FER: variants seen among roughly 807,000 people sequenced by gnomAD.
The protein encoded by FER is FER tyrosine kinase, also known as tyrosine-protein kinase Fer.
In FER, 63 loss-of-function variants were observed where a neutral mutation model predicts 111.0. That is an observed-to-expected ratio of 0.57 (90% confidence interval 0.46 to 0.70). FER has a LOEUF of 0.70. Among genes scored for constraint, FER ranks in the 30% least tolerant of loss-of-function variants. The pLI is 0.00. For missense variants in FER, 914 were observed against 954.0 expected, an observed-to-expected ratio of 0.96 and a Z score of 0.55; for synonymous variants, 327 against 313.9, an observed-to-expected ratio of 1.04 and a Z score of -0.44.
rs7707344 is a variant in FER at position 109,113,368 on chromosome 5, A to T, written c.2048+12849A>T. 2.8e-3 allele frequency among the ~76,000 whole-genome samples: 423 copies of T among 152,262 alleles called. 2 individuals are homozygous for T. The highest frequency in any genetic ancestry group is 9.5e-3 in the African/African-American group (395 of 41,564). On this transcript the variant is annotated intron_variant, in intron 17 of 19. Transcript: ENST00000281092. ...AGACTATATATACCTACTCAAATAT[A>T]TTTCTTTTTCTAATTTTTTAAACAG...
chr5:108,992,525 C>T (rs536905933), intron 13 of FER, among the ~76,000 whole-genome samples: 7 of 150,402 alleles, frequency 4.7e-5, no homozygotes, highest in South Asian at 2.1e-4. Context: ...ACCTCCCTCC[C>T]GGACGGGGCA....
chr5:109,156,154 G>A (rs999285694), intron 17 of FER, among the ~76,000 whole-genome samples: 3 of 152,140 alleles, frequency 2.0e-5, no homozygotes, highest in Admixed American at 1.3e-4. Context: ...TTTCTGCAGT[G>A]TAGACAACGC....
At position 108,976,552 on chromosome 5, in the gene FER, A is replaced by G. The variant is rs75526690; in HGVS notation, c.1656+17205A>G. Reference sequence around the variant, plus strand: ...GGTGACGGGTGCTGACCCCCTGCATAGTCAAAAATCTGCATATGACTTTTG... The same window carrying G: ...GGTGACGGGTGCTGACCCCCTGCATGGTCAAAAATCTGCATATGACTTTTG... On this transcript the variant is annotated intron_variant, in intron 13 of 19. Coordinates refer to ENST00000281092, the MANE Select transcript of FER (RefSeq NM_005246.4). Among the ~76,000 whole-genome samples, 88 of 152,256 alleles carry G rather than the reference A, an allele frequency of 5.8e-4. 3 individuals are homozygous for G. In the East Asian group the frequency reaches 0.015, roughly 26 times the overall value.
At chr5:109,175,136 T>C (rs1440430927) in intron 17 of FER, among the ~76,000 whole-genome samples, 3 of 152,198 alleles carry the variant, frequency 2.0e-5, no homozygotes, top group Admixed American at 2.0e-4. Context: ...AATTGTCAAA[T>C]TTAGTTGAAT....
chr5:108,884,868 G>C (rs918023436), intron 9 of FER, among the ~76,000 whole-genome samples: 1 of 151,976 alleles, frequency 6.6e-6, no homozygotes, highest in Non-Finnish European at 1.5e-5. Flanking sequence ...TCACAATGAT[G>C]TCTACATTGC....
intron 13 of FER, among the ~76,000 whole-genome samples, chr5:109,019,874 G>A (rs1168321515): frequency 6.6e-6 from 1 of 151,808 alleles, no homozygotes; most frequent in African/African-American, 2.4e-5. Flanking sequence ...ATTTTAAAAT[G>A]CTGATGGTAA....
intron 16 of FER, among the ~76,000 whole-genome samples, chr5:109,067,168 A>ATT: frequency 6.6e-6 from 1 of 152,160 alleles, no homozygotes; most frequent in African/African-American, 2.4e-5. Context: ...AGGTCAGGGT[A>ATT]AGCAACTGGA....
chr5:108,897,048 T>C (rs1295341110), intron 9 of FER, among the ~76,000 whole-genome samples: 1 of 152,196 alleles, frequency 6.6e-6, no homozygotes. Context: ...CCTGTGGCCC[T>C]GTACTTTAAA....
At chr5:108,970,733 G>C (rs1408534413) in intron 13 of FER, among the ~76,000 whole-genome samples, 1 of 152,168 alleles carries the variant, frequency 6.6e-6, no homozygotes, top group Non-Finnish European at 1.5e-5. Context: ...TAGGCAGAAG[G>C]AGGAGGAGGG....
intron 16 of FER, among the ~76,000 whole-genome samples, chr5:109,058,177 C>G (rs556136138): frequency 2.7e-5 from 4 of 147,132 alleles, no homozygotes; most frequent in South Asian, 4.4e-4. Context: ...ATAAAATTCT[C>G]TGTAAACAGG....
intron 17 of FER, 127 bp downstream of exon 17, chr5:109,100,646 G>A: frequency 1.0e-6 from 1 of 957,532 alleles, no homozygotes; most frequent in Non-Finnish European, 1.5e-6. Context: ...TGTATTTTGT[G>A]TGAAAGTGTC....
At chr5:108,925,858 A>G (rs1753664431) in intron 10 of FER, among the ~76,000 whole-genome samples, 1 of 152,028 alleles carries the variant, frequency 6.6e-6, no homozygotes, top group Non-Finnish European at 1.5e-5. Context: ...ATTTATAAAA[A>G]TATTAGAGGA....
At chr5:109,104,838 G>T (rs377234039) in intron 17 of FER, among the ~76,000 whole-genome samples, 134 of 152,066 alleles carry the variant, frequency 8.8e-4, no homozygotes, top group African/African-American at 3.1e-3. Context: ...TGCCTCCCAG[G>T]TTCACGCCAT....
chr5:108,948,433 TG>T (rs1161107599), intron 11 of FER, among the ~76,000 whole-genome samples: 7 of 152,120 alleles, frequency 4.6e-5, no homozygotes, highest in Admixed American at 4.6e-4. Flanking sequence ...TCCTTTCCAG[TG>T]TACCAAAGGG....
At position 109,189,128 on chromosome 5, in the gene FER, A is replaced by AACTC. The variant is rs377034287; in HGVS notation, c.*1563_*1566dup. On this transcript the variant is annotated 3_prime_UTR_variant, in exon 20 of 20. Coordinates refer to ENST00000281092, the MANE Select transcript of FER (RefSeq NM_005246.4). ...AAGATGTCTCATGTGAATAAAATGT[A>AACTC]ACTCACTCACTCAGTTAAAACTAGG... 2.0e-5 allele frequency: 3 copies of AACTC among 152,234 alleles called. No individual in the cohort carries two copies. Among genetic ancestry groups the AACTC allele is most frequent in the Admixed American group, 6.5e-5 (1 of 15,284 alleles). The allele number at this position is 152,234 out of a possible 1,614,324, so 9.4% of individuals were successfully genotyped here.
intron 6 of FER, among the ~76,000 whole-genome samples, chr5:108,870,645 G>A (rs1389881246): frequency 2.0e-5 from 3 of 151,978 alleles, no homozygotes; most frequent in Admixed American, 2.0e-4. Flanking sequence ...AGTAATGATG[G>A]TGGAAAAGAA....
chr5:109,038,357 CTTAA>C (rs1178191695), intron 14 of FER, among the ~76,000 whole-genome samples: 3 of 151,804 alleles, frequency 2.0e-5, no homozygotes, highest in African/African-American at 4.8e-5. Flanking sequence ...CAGTACTGAA[CTTAA>C]TTAAGGCTCA....
chr5:109,164,129 C>T (rs926021314), intron 17 of FER, among the ~76,000 whole-genome samples: 34 of 152,122 alleles, frequency 2.2e-4, no homozygotes, highest in African/African-American at 8.0e-4. Flanking sequence ...TTCTCAGAGT[C>T]ACATTTGCTC....
chr5:108,953,618 A>C lies in FER; in HGVS notation c.1330-1111A>C, dbSNP rs576979735. On this transcript the variant is annotated intron_variant, in intron 11 of 19. Transcript: ENST00000281092. ...TTGGGTCTCCTCAGTGGTACGAAACAATAAAGGCTATGTTAAAAACCAGTT... is the reference window on the plus strand; with the variant it reads ...TTGGGTCTCCTCAGTGGTACGAAACCATAAAGGCTATGTTAAAAACCAGTT... Among the ~76,000 whole-genome samples, 208 of 152,184 alleles carry C rather than the reference A, an allele frequency of 1.4e-3. 1 individual carries two copies. Among genetic ancestry groups the C allele is most frequent in the Non-Finnish European group, 8.7e-4 (59 of 67,970 alleles).
Sources: gnomAD v4.1 joint callset for allele counts (sites outside exome capture counted in the v4.1 genomes callset) on GRCh38, gnomAD v4.1.1 for gene constraint, MANE v1.5 for transcripts, NCBI Gene and HGNC (gene_info 2026-07-23, HGNC 2026-07-21) for gene names.